The following VAV2 variants were observed in gnomAD, a reference collection of about 807,000 sequenced individuals.
The protein encoded by VAV2 is vav guanine nucleotide exchange factor 2, also known as guanine nucleotide exchange factor VAV2.
Under a neutral mutation model 132.5 loss-of-function variants are expected in VAV2, and 67 were observed. The observed-to-expected ratio is 0.51, with a 90% confidence interval of 0.42 to 0.62. The LOEUF (loss-of-function observed/expected upper bound fraction) is 0.62, where lower values mean the gene tolerates loss of function less well. Ranked by LOEUF, VAV2 falls within the 20% of genes least tolerant of loss-of-function variation. VAV2 has a pLI of 0.00. For synonymous variants in VAV2, 492 were observed against 443.5 expected, an observed-to-expected ratio of 1.11 and a Z score of -1.37; for missense variants, 938 against 1,153.6, an observed-to-expected ratio of 0.81 and a Z score of 2.71.
intron 2 of VAV2, among the ~76,000 whole-genome samples, chr9:133,880,246 C>T (rs1400551326): frequency 6.6e-6 from 1 of 152,320 alleles, no homozygotes; most frequent in South Asian, 2.1e-4. Flanking sequence ...GTGTGCCCCA[C>T]CGGAGGAAAG....
chr9:133,936,026 G>A (rs913418756), intron 2 of VAV2, among the ~76,000 whole-genome samples: 20 of 152,154 alleles, frequency 1.3e-4, no homozygotes, highest in Middle Eastern at 3.2e-3. Flanking sequence ...GGGCACGTGC[G>A]GTGCTGAGAC....
chr9:133,957,006 G>GCCCAGCTCCCCA (rs377368697), intron 1 of VAV2, among the ~76,000 whole-genome samples: 1 of 152,140 alleles, frequency 6.6e-6, no homozygotes, highest in African/African-American at 2.4e-5. Flanking sequence ...CCACCCACCT[G>GCCCAGCTCCCCA]CCCAGCTCCC....
At position 133,770,246 on chromosome 9, in the gene VAV2, G is replaced by T. The variant is rs187732903; in HGVS notation, c.2347+132C>A. On this transcript the variant is annotated intron_variant, in intron 27 of 29. Transcript: ENST00000371850. ...GACAGCATCTGCGATGGCTGGGGGA[G>T]GGGCGGGGGCTGTGTTCCCCAGGGT... is the stretch of plus-strand genomic sequence containing the variant. 1.3e-3 allele frequency: 1,822 copies of T among 1,394,084 alleles called. 2 individuals are homozygous for T. Among genetic ancestry groups the T allele is most frequent in the Admixed American group, 2.0e-3 (90 of 43,988 alleles). 86.4% of individuals were successfully genotyped at this position (1,394,084 alleles called of 1,614,324 possible). A position where few individuals can be genotyped will look rare whatever the true frequency, so the allele number is the denominator to read the frequency against.
chr9:133,848,014 A>G (rs1221516911), intron 3 of VAV2, among the ~76,000 whole-genome samples: 2 of 152,150 alleles, frequency 1.3e-5, no homozygotes, highest in Non-Finnish European at 2.9e-5. Flanking sequence ...GCGGTAGCTC[A>G]CGCCTGTAAT....
intron 1 of VAV2, among the ~76,000 whole-genome samples, chr9:133,956,713 G>A (rs1306232055): frequency 3.9e-5 from 6 of 152,206 alleles, no homozygotes; most frequent in Non-Finnish European, 7.4e-5. Flanking sequence ...GCGAGGGAGC[G>A]GGAGGGGGAT....
rs971194989 is a variant in VAV2, at chr9:133,797,060, C to T, written c.937-536G>A. 6.6e-5 allele frequency among the ~76,000 whole-genome samples: 10 copies of T among 152,348 alleles called. No homozygotes were observed. The East Asian group carries it at 1.9e-3, about 29-fold the overall frequency. ...GGGGGCCACGCTGCCTCCACCACTG[C>T]TAGAGCCAGGGGGCTCTTCACCAGG... On this transcript the variant is annotated intron_variant, in intron 10 of 29. Transcript: ENST00000371850.
chr9:133,792,621 T>C (rs1049366744), intron 12 of VAV2, among the ~76,000 whole-genome samples: 22 of 151,806 alleles, frequency 1.4e-4, no homozygotes, highest in Non-Finnish European at 2.8e-4. Flanking sequence ...AGGGTGTGTG[T>C]GTGTGAGCGT....
Position 133,938,957 on chromosome 9 carries a change from C to T in VAV2, c.321+146G>A, listed in dbSNP as rs569969379. 663 of 762,032 alleles carry T rather than the reference C, an allele frequency of 8.7e-4. 8 individuals carry two copies. The highest frequency in any genetic ancestry group is 7.2e-3 in the South Asian group (455 of 62,772). The allele number at this position is 762,032 out of a possible 1,614,324, so 47.2% of individuals were successfully genotyped here. ...TCCTGTTTGTAACAGGACCTGCCTG[C>T]ACCTCCCGGACATGAGGGTGCAGAA... On this transcript the variant is annotated intron_variant, in intron 2 of 29. Transcript: ENST00000371850.
intron 4 of VAV2, among the ~76,000 whole-genome samples, chr9:133,813,513 G>C (rs1253777101): frequency 1.3e-5 from 2 of 152,228 alleles, no homozygotes; most frequent in Non-Finnish European, 2.9e-5. Context: ...TTCGAGGAAG[G>C]CCCTCAGCAC....
chr9:133,792,696 C>A (rs1451710021), intron 12 of VAV2, among the ~76,000 whole-genome samples: 3 of 132,558 alleles, frequency 2.3e-5, no homozygotes, highest in African/African-American at 8.2e-5. Context: ...CCCCACCCCC[C>A]ACCCAGCATC....
At chr9:133,933,517 TGAATGATGGAC>T (rs1288233872) in intron 2 of VAV2, among the ~76,000 whole-genome samples, 13 of 137,394 alleles carry the variant, frequency 9.5e-5, no homozygotes, top group African/African-American at 3.6e-4. Flanking sequence ...AATGGATGGA[TGAATGATGGAC>T]GAATGGATGA....
chr9:133,848,004 G>A (rs1012158198), intron 3 of VAV2, among the ~76,000 whole-genome samples: 3 of 152,150 alleles, frequency 2.0e-5, no homozygotes, highest in Non-Finnish European at 1.5e-5. Flanking sequence ...TGGGCCAGAC[G>A]CGGTAGCTCA....
At chr9:133,842,301 C>G (rs933350556) in intron 3 of VAV2, among the ~76,000 whole-genome samples, 3 of 152,352 alleles carry the variant, frequency 2.0e-5, no homozygotes, top group Admixed American at 1.3e-4. Context: ...TGCCAAGGAC[C>G]GTGTTCACCA....
chr9:133,940,336 C>T (rs1247813102), intron 1 of VAV2, among the ~76,000 whole-genome samples: 1 of 152,186 alleles, frequency 6.6e-6, no homozygotes, highest in African/African-American at 2.4e-5. Flanking sequence ...CATCAATAAC[C>T]GTCCCCTATG....
intron 4 of VAV2, among the ~76,000 whole-genome samples, chr9:133,831,152 C>G (rs1428504748): frequency 6.6e-6 from 1 of 152,078 alleles, no homozygotes; most frequent in Non-Finnish European, 1.5e-5. Flanking sequence ...AAATGGGCAA[C>G]TGGCCGGGCA....
chr9:133,990,162 G>A (rs1475486062), intron 1 of VAV2, among the ~76,000 whole-genome samples: 2 of 152,106 alleles, frequency 1.3e-5, no homozygotes, highest in Admixed American at 1.3e-4. Flanking sequence ...GAGCCACACA[G>A]ACACACACCC....
rs1255082735 is a variant in VAV2 at position 133,826,729 on chromosome 9, T to C, written c.449+7543A>G. ...CCTTTGGCCTCTCTTCTGCCCTGAG[T>C]GGGAGCTTTCAAATTTCTCCCGTGT... On this transcript the variant is annotated intron_variant, in intron 4 of 29. Coordinates refer to ENST00000371850, the MANE Select transcript of VAV2 (RefSeq NM_001134398.2). The surrounding 1 kb of genome is among the most constrained non-coding windows in gnomAD (Gnocchi z 4.2). 1.3e-5 allele frequency among the ~76,000 whole-genome samples: 2 copies of C among 152,080 alleles called. No individual in the cohort carries two copies. The highest frequency in any genetic ancestry group is 4.8e-5 in the African/African-American group (2 of 41,386).
At chr9:133,937,979 C>T (rs1249027538) in intron 2 of VAV2, among the ~76,000 whole-genome samples, 1 of 152,234 alleles carries the variant, frequency 6.6e-6, no homozygotes, top group Non-Finnish European at 1.5e-5. Context: ...CTGGTGGCTC[C>T]GGGATCGCCC....
intron 1 of VAV2, among the ~76,000 whole-genome samples, chr9:133,960,812 GA>G (rs1564504196): frequency 6.6e-6 from 1 of 152,212 alleles, no homozygotes; most frequent in Non-Finnish European, 1.5e-5. Flanking sequence ...GAGGGAAGAA[GA>G]ACTCTCATAA....
Sources: gnomAD v4.1 joint callset for allele counts (sites outside exome capture counted in the v4.1 genomes callset) on GRCh38, gnomAD v4.1.1 for gene constraint, Gnocchi (gnomAD v3.1) non-coding constraint, MANE v1.5 for transcripts, NCBI Gene and HGNC (gene_info 2026-07-23, HGNC 2026-07-21) for gene names.